The following TRPS1 variants were observed in gnomAD, a reference collection of about 807,000 sequenced individuals.
TRPS1 encodes transcriptional repressor GATA binding 1, also known as zinc finger transcription factor Trps1.
A neutral mutation model predicts 101.2 loss-of-function variants in TRPS1; 6 were observed. That is an observed-to-expected ratio of 0.06 (90% CI 0.03 to 0.12). The LOEUF is 0.12. TRPS1 is among the 10% of genes least tolerant of loss of function. TRPS1 has a pLI of 1.00. For missense variants in TRPS1, 1,363 were observed against 1,567.0 expected (o/e 0.87, Z 2.20); for synonymous variants, 578 against 589.8 (o/e 0.98, Z 0.29).
chr8:115,644,367 G>A (rs1030435027), intron 1 of TRPS1, among the ~76,000 whole-genome samples: 1 of 152,108 alleles, frequency 6.6e-6, no homozygotes, highest in Non-Finnish European at 1.5e-5. Context: ...TTTATGTTAT[G>A]GATGTGACAT....
chr8:115,429,369 T>A (rs1348921567), intron 5 of TRPS1, among the ~76,000 whole-genome samples: 3 of 152,218 alleles, frequency 2.0e-5, no homozygotes, highest in South Asian at 2.1e-4. Flanking sequence ...TTGTTATGTA[T>A]ACATACGTAA....
chr8:115,573,808 T>TCCTATATCCTGAAAATGCCC (rs1311279853), intron 5 of TRPS1, among the ~76,000 whole-genome samples: 1 of 152,196 alleles, frequency 6.6e-6, no homozygotes, highest in Non-Finnish European at 1.5e-5. Flanking sequence ...CTTTTCTCTT[T>TCCTATATCCTGAAAATGCCC]CCTATATCCT....
intron 3 of TRPS1, among the ~76,000 whole-genome samples, chr8:115,612,026 T>G (rs183910858): frequency 6.6e-6 from 1 of 150,538 alleles, no homozygotes; most frequent in Admixed American, 6.6e-5. Context: ...TAAACAGAAT[T>G]TTTAAAAATT....
At chr8:115,614,210 CATAGG>C (rs1818231087) in intron 3 of TRPS1, among the ~76,000 whole-genome samples, 1 of 152,066 alleles carries the variant, frequency 6.6e-6, no homozygotes, top group Admixed American at 6.5e-5. Context: ...CAGAGCAGGC[CATAGG>C]AGAGGTAAAA....
intron 5 of TRPS1, among the ~76,000 whole-genome samples, chr8:115,560,487 A>T (rs1201366750): frequency 2.6e-5 from 4 of 152,156 alleles, no homozygotes; most frequent in African/African-American, 9.7e-5. Flanking sequence ...TATTTTGAAC[A>T]TTCCAGGGAA....
intron 1 of TRPS1, among the ~76,000 whole-genome samples, chr8:115,665,374 T>C (rs1811896988): frequency 6.6e-6 from 1 of 152,152 alleles, no homozygotes. Flanking sequence ...CACATATACA[T>C]CTAATAATAG....
intron 5 of TRPS1, among the ~76,000 whole-genome samples, chr8:115,565,591 G>A (rs1160072545): frequency 1.3e-5 from 2 of 150,388 alleles, no homozygotes; most frequent in African/African-American, 2.4e-5. Flanking sequence ...TAGTGAGTTC[G>A]CCAAAGTACT....
intron 5 of TRPS1, among the ~76,000 whole-genome samples, chr8:115,529,033 C>T (rs1194717964): frequency 2.6e-5 from 4 of 151,862 alleles, no homozygotes; most frequent in East Asian, 1.9e-4. Context: ...TCCAGTTAAA[C>T]AATTAAGGAA....
At position 115,619,290 on chromosome 8, in the gene TRPS1, C is replaced by T. The variant is rs1356080084; in HGVS notation, c.808G>A (p.Asp270Asn). Residue 270 changes from aspartate to asparagine, a missense_variant, in exon 3 of 7, where the codon GAT (aspartate) becomes AAT (asparagine). Coordinates refer to ENST00000395715, the MANE Select transcript of TRPS1 (RefSeq NM_014112.5). Reference sequence around the variant, plus strand: ...AAGATTTTGCTGTCCAGCTCAGCATCTTGCCTGGTGCGGTTATGCAGTCCT... The same window carrying T: ...AAGATTTTGCTGTCCAGCTCAGCATTTTGCCTGGTGCGGTTATGCAGTCCT... ...HLGLHNRTRQDAELDSKILAL... is the reference protein window; with the variant it reads ...HLGLHNRTRQNAELDSKILAL... 6.2e-7 allele frequency: 1 copy of T among 1,613,978 alleles called. No homozygotes were observed. Among genetic ancestry groups the T allele is most frequent in the African/African-American group, 1.3e-5 (1 of 74,928 alleles).
At chr8:115,522,132 C>T (rs532203083) in intron 5 of TRPS1, among the ~76,000 whole-genome samples, 2 of 151,868 alleles carry the variant, frequency 1.3e-5, no homozygotes, top group South Asian at 4.2e-4. Context: ...TGAATTTCTA[C>T]GTAAGATAGG....
chr8:115,597,649 T>C (rs1817818191), intron 4 of TRPS1, among the ~76,000 whole-genome samples: 1 of 152,100 alleles, frequency 6.6e-6, no homozygotes. Context: ...AATAAGGAAT[T>C]TTCCTAAAAC....
In TRPS1 at chr8:115,476,005, CTTTTTTTTTTTTTTTT is replaced by C. The variant is rs1169514340; in HGVS notation, c.2701-57569_2701-57554del. Among the ~76,000 whole-genome samples, 7 of 40,670 alleles carry C rather than the reference CTTTTTTTTTTTTTTTT, an allele frequency of 1.7e-4. 1 individual carries two copies. Among genetic ancestry groups the C allele is most frequent in the South Asian group, 1.9e-3 (2 of 1,070 alleles). 26.7% of individuals were successfully genotyped at this position (40,670 alleles called of 152,430 possible). ...AAGAGGTGTTCAGAAAATATACTTT[CTTTTTTTTTTTTTTTT>C]TTTTTTTTTTTTTTTGAGACGGAGT... On this transcript the variant is annotated intron_variant, in intron 5 of 6. Transcript: ENST00000395715.
At chr8:115,509,374 T>TACCCCC in intron 5 of TRPS1, among the ~76,000 whole-genome samples, 1 of 151,986 alleles carries the variant, frequency 6.6e-6, no homozygotes, top group African/African-American at 2.4e-5. Context: ...AGATAAAAAA[T>TACCCCC]AAATACCTGT....
chr8:115,453,465 G>A (rs758347791), intron 5 of TRPS1, among the ~76,000 whole-genome samples: 7 of 152,194 alleles, frequency 4.6e-5, no homozygotes, highest in African/African-American at 7.2e-5. Context: ...GCATTTGCAC[G>A]AGTGTGTACA....
At chr8:115,642,847 A>AT (rs1231462285) in intron 1 of TRPS1, among the ~76,000 whole-genome samples, 1 of 147,604 alleles carries the variant, frequency 6.8e-6, no homozygotes, top group African/African-American at 2.5e-5. Context: ...TTCGTGAAAA[A>AT]AAATATATAT....
intron 5 of TRPS1, among the ~76,000 whole-genome samples, chr8:115,434,560 T>C (rs1813402943): frequency 6.6e-6 from 1 of 152,176 alleles, no homozygotes; most frequent in Non-Finnish European, 1.5e-5. Flanking sequence ...TCAGAAAATA[T>C]AATTGAGTTC....
intron 3 of TRPS1, among the ~76,000 whole-genome samples, chr8:115,607,562 A>C (rs528201709): frequency 6.6e-6 from 1 of 152,156 alleles, no homozygotes; most frequent in South Asian, 2.1e-4. Flanking sequence ...CCAAGCTAAA[A>C]AATGAAAACT....
At chr8:115,515,178 C>T (rs1815680204) in intron 5 of TRPS1, 1 of 687,140 alleles carries the variant, frequency 1.5e-6, no homozygotes, top group Non-Finnish European at 2.7e-6. Context: ...CTTTTCGTTA[C>T]TCTCCATTAT....
chr8:115,423,025 G>A (rs548033982), intron 5 of TRPS1, among the ~76,000 whole-genome samples: 2 of 152,262 alleles, frequency 1.3e-5, no homozygotes, highest in East Asian at 3.9e-4. Context: ...ACTCACACAT[G>A]TAAAGCCGCA....
Sources: allele counts gnomAD v4.1 joint callset (sites outside exome capture counted in the v4.1 genomes callset), GRCh38; gene constraint gnomAD v4.1.1; transcripts MANE v1.5; gene names NCBI Gene and HGNC (gene_info 2026-07-23, HGNC 2026-07-21).